The following DLEU7 variants were observed in gnomAD, a reference collection of about 807,000 sequenced individuals.
The protein encoded by DLEU7 is leukemia-associated protein 7.
DLEU7 carries 17 observed loss-of-function variants against 16.0 expected under a neutral mutation model. That is an observed-to-expected ratio of 1.06 (90% CI 0.73 to 1.59). The LOEUF (loss-of-function observed/expected upper bound fraction) is 1.59. Among genes scored for constraint, DLEU7 ranks in the 40% most tolerant of loss-of-function variants. The pLI is 0.00. For missense variants in DLEU7, 308 were observed against 314.9 expected, an observed-to-expected ratio of 0.98 and a Z score of 0.17; for synonymous variants, 113 against 139.8, an observed-to-expected ratio of 0.81 and a Z score of 1.35.
chr13:50,785,790 G>A (rs1342187974), intron 1 of DLEU7, among the ~76,000 whole-genome samples: 2 of 152,208 alleles, frequency 1.3e-5, no homozygotes, highest in South Asian at 2.1e-4. Context: ...CAAGAATAGA[G>A]CATTTATCAC....
intron 1 of DLEU7, among the ~76,000 whole-genome samples, chr13:50,794,074 G>A (rs557798294): frequency 6.6e-6 from 1 of 152,222 alleles, no homozygotes; most frequent in African/African-American, 2.4e-5. Flanking sequence ...CATATGGATA[G>A]ACATGGTTTA....
chr13:50,798,734 C>T (rs1004497018), intron 1 of DLEU7, among the ~76,000 whole-genome samples: 1 of 152,232 alleles, frequency 6.6e-6, no homozygotes, highest in African/African-American at 2.4e-5. Flanking sequence ...ATAAGCAGGA[C>T]AATTCCGCTG....
chr13:50,820,412 A>C (rs974159570), downstream of DLEU7, among the ~76,000 whole-genome samples: 1 of 152,138 alleles, frequency 6.6e-6, no homozygotes, highest in Admixed American at 6.6e-5. Flanking sequence ...AATGCAAGCA[A>C]GAGAATGAAT....
chr13:50,721,045 C>T (rs1300778553), intron 1 of DLEU7, among the ~76,000 whole-genome samples: 3 of 152,286 alleles, frequency 2.0e-5, no homozygotes, highest in African/African-American at 7.2e-5. Flanking sequence ...GAGAGGCTGA[C>T]CCAGCTGCAA....
intron 1 of DLEU7, among the ~76,000 whole-genome samples, chr13:50,757,428 G>T (rs2137741087): frequency 6.6e-6 from 1 of 152,274 alleles, no homozygotes; most frequent in South Asian, 2.1e-4. Context: ...AATCTGCCAT[G>T]CTAGGTTTAT....
At position 50,843,248 on chromosome 13, in the gene DLEU7, G is replaced by A. The variant is rs367603880; in HGVS notation, c.399C>T (p.Ser133=). ...GGGGCCCCAGCAGCGTCTGCTCCAC[G>A]CTGACCAGCTCCGAAGTCGAGTCCA... The part of the protein sequence containing the change: ...RVVDSTSELV[S]VEQTLLGPLQ... The change falls in exon 1 of 2, where the codon AGC becomes AGT. Residue 133 remains serine (S), a synonymous_variant. Coordinates refer to ENST00000504404, the MANE Select transcript of DLEU7 (RefSeq NM_001306135.2). This position sits in a 1 kb window ranked among gnomAD's most constrained non-coding sequence, Gnocchi z 5.7. 1.9e-6 allele frequency: 3 copies of A among 1,595,552 alleles called. No homozygotes were observed. The highest frequency in any genetic ancestry group is 4.7e-5 in the East Asian group (2 of 42,428).
At chr13:50,772,766 G>T (rs1301928306) in intron 1 of DLEU7, among the ~76,000 whole-genome samples, 1 of 152,140 alleles carries the variant, frequency 6.6e-6, no homozygotes, top group Non-Finnish European at 1.5e-5. Flanking sequence ...TTCTCGAGGA[G>T]TATCTTTGTG....
chr13:50,731,751 C>T lies in DLEU7; in HGVS notation c.460-18511G>A, dbSNP rs375015237. On this transcript the variant is annotated intron_variant, in intron 1 of 1. Coordinates refer to the DLEU7 transcript ENST00000400393. ...CTTTGTCTTTCTTCCTAATTAGTCCCTTTCCTTACATTTTCCTTAATTATC... is the reference window on the plus strand; with the variant it reads ...CTTTGTCTTTCTTCCTAATTAGTCCTTTTCCTTACATTTTCCTTAATTATC... Among the ~76,000 whole-genome samples, 21 of 152,190 alleles carry T rather than the reference C, an allele frequency of 1.4e-4. No homozygotes were observed. The South Asian group carries it at 4.4e-3, about 32-fold the overall frequency.
intron 1 of DLEU7, among the ~76,000 whole-genome samples, chr13:50,787,687 A>G (rs1875825591): frequency 6.6e-6 from 1 of 151,730 alleles, no homozygotes; most frequent in Non-Finnish European, 1.5e-5. Flanking sequence ...TAAAACATGG[A>G]TCCAATCATG....
intron 1 of DLEU7, among the ~76,000 whole-genome samples, chr13:50,825,856 T>A (rs1877064891): frequency 2.0e-5 from 3 of 152,212 alleles, no homozygotes; most frequent in Non-Finnish European, 4.4e-5. Flanking sequence ...CAAATTGAAC[T>A]AAGATTATTA....
At chr13:50,739,053 TATC>T (rs1281901518) in intron 1 of DLEU7, among the ~76,000 whole-genome samples, 25 of 151,810 alleles carry the variant, frequency 1.6e-4, no homozygotes, top group African/African-American at 6.0e-4. Context: ...CTGTTCTTCT[TATC>T]ATGTTCTTTC....
chr13:50,759,056 C>T (rs1008762284), intron 1 of DLEU7, among the ~76,000 whole-genome samples: 2 of 152,216 alleles, frequency 1.3e-5, no homozygotes, highest in African/African-American at 4.8e-5. Flanking sequence ...TTAGCTACCA[C>T]AAGAAAATCG....
chr13:50,768,691 A>G (rs1172560680), intron 1 of DLEU7, among the ~76,000 whole-genome samples: 2 of 152,166 alleles, frequency 1.3e-5, no homozygotes, highest in South Asian at 2.1e-4. Context: ...TCATTTATGG[A>G]CATTTGGGTT....
intron 1 of DLEU7, among the ~76,000 whole-genome samples, chr13:50,814,470 CTAA>C (rs1390802552): frequency 6.6e-6 from 1 of 151,774 alleles, no homozygotes; most frequent in Admixed American, 6.6e-5. Context: ...CAACAACAAA[CTAA>C]TAATAATGAA....
At chr13:50,782,302 A>G (rs992130242) in intron 1 of DLEU7, among the ~76,000 whole-genome samples, 2 of 152,230 alleles carry the variant, frequency 1.3e-5, no homozygotes, top group Non-Finnish European at 2.9e-5. Context: ...TGGCTAACGG[A>G]AATCAGACAT....
Position 50,803,938 on chromosome 13 carries a change from A to C in DLEU7, c.459+39250T>G, listed in dbSNP as rs188045937. Among the ~76,000 whole-genome samples, 334 of 152,256 alleles carry C rather than the reference A, an allele frequency of 2.2e-3. 1 individual carries two copies. Among genetic ancestry groups the C allele is most frequent in the African/African-American group, 7.6e-3 (314 of 41,564 alleles). ...GATCTTCCTTACTACAATACTTTTAAAACTTTTCCATGGTGGGTCCTAGTA... is the reference window on the plus strand; with the variant it reads ...GATCTTCCTTACTACAATACTTTTACAACTTTTCCATGGTGGGTCCTAGTA... On this transcript the variant is annotated intron_variant, in intron 1 of 1. Coordinates refer to the DLEU7 transcript ENST00000400393.
intron 1 of DLEU7, among the ~76,000 whole-genome samples, chr13:50,765,169 C>T (rs1007139391): frequency 9.2e-5 from 14 of 152,062 alleles, no homozygotes; most frequent in African/African-American, 3.1e-4. Context: ...AGGCATGAGC[C>T]ACTGCCATGT....
intron 1 of DLEU7, among the ~76,000 whole-genome samples, chr13:50,727,950 A>G (rs1293514955): frequency 6.6e-6 from 1 of 152,256 alleles, no homozygotes; most frequent in Non-Finnish European, 1.5e-5. Context: ...GAATCTGGTG[A>G]AAATAAAGTT....
intron 1 of DLEU7, among the ~76,000 whole-genome samples, chr13:50,786,095 T>C (rs1195558336): frequency 6.6e-6 from 1 of 152,142 alleles, no homozygotes; most frequent in Non-Finnish European, 1.5e-5. Flanking sequence ...TCGTGTGACA[T>C]CATTTTGCTT....
Sources: gnomAD v4.1 joint callset for allele counts (sites outside exome capture counted in the v4.1 genomes callset) on GRCh38, gnomAD v4.1.1 for gene constraint, Gnocchi (gnomAD v3.1) non-coding constraint, MANE v1.5 for transcripts, NCBI Gene and HGNC (gene_info 2026-07-23, HGNC 2026-07-21) for gene names.